SZRD1: variants seen among roughly 807,000 people sequenced by gnomAD.
The protein encoded by SZRD1 is SUZ RNA binding domain containing 1.
A neutral mutation model predicts 17.6 loss-of-function variants in SZRD1; 7 were observed. The observed-to-expected ratio is 0.40, with a 90% CI of 0.23 to 0.75. The LOEUF is 0.75. SZRD1 is among the 30% of genes least tolerant of loss of function. The pLI is 0.38. For missense variants in SZRD1, 178 were observed against 201.8 expected (o/e 0.88, Z 0.71); for synonymous variants, 77 against 77.9 (o/e 0.99, Z 0.06).
Position 16,393,362 on chromosome 1 carries a change from G to A in SZRD1, c.236G>A (p.Ser79Asn), listed in dbSNP as rs758345324. The A allele has an allele frequency of 6.2e-7, 1 of 1,614,204 alleles. No homozygotes were observed. Among genetic ancestry groups the A allele is most frequent in the South Asian group, 1.1e-5 (1 of 91,086 alleles). ...GTGGTCAGCAGCCCCAACTCCACCA[G>A]CAGGCCCACCCTTCCAGTCAAGTCC... ...NGVVSSPNST[S>N]RPTLPVKSLA... Residue 79 changes from serine (S) to asparagine (N), a missense_variant, in exon 3 of 4, where the codon AGC becomes AAC. Ser to Asn is a conservative substitution (Grantham distance 46, BLOSUM62 1). Coordinates refer to ENST00000401088, the MANE Select transcript of SZRD1 (RefSeq NM_001114600.3). This position sits in a 1 kb window ranked among gnomAD's most constrained non-coding sequence, Gnocchi z 5.6.
rs1319293808 is a variant in SZRD1, at chr1:16,389,350, C to CG, written c.52-2024dup. Among the ~76,000 whole-genome samples the CG allele has an allele frequency of 2.6e-5, 4 of 152,018 alleles. No homozygotes were observed. The East Asian group carries it at 7.7e-4, about 29-fold the overall frequency. On this transcript the variant is annotated intron_variant, in intron 1 of 3. Transcript: ENST00000401088. ...CGCCATCTCGGCTCACTGCAAGCTT[C>CG]GCCTCCCGGGTTCACGCCATTCTCC... is the stretch of plus-strand genomic sequence containing the variant.
chr1:16,388,515 C>T (rs1270681454), intron 1 of SZRD1, among the ~76,000 whole-genome samples: 1 of 151,780 alleles, frequency 6.6e-6, no homozygotes, highest in Non-Finnish European at 1.5e-5. Context: ...ATACTGTTTA[C>T]AAGAGATGCA....
intron 1 of SZRD1, among the ~76,000 whole-genome samples, chr1:16,373,898 C>A (rs1220407790): frequency 3.3e-5 from 5 of 152,148 alleles, no homozygotes; most frequent in Non-Finnish European, 5.9e-5. Flanking sequence ...CCACCACACC[C>A]GGCCCATAGT....
rs2085296339 is a variant in SZRD1, at chr1:16,395,501, CATTA to C, written c.*365_*368del. On this transcript the variant is annotated 3_prime_UTR_variant, in exon 4 of 4. Coordinates refer to ENST00000401088, the MANE Select transcript of SZRD1 (RefSeq NM_001114600.3). ...GCCAGCAATAACAGTTTATCATGCTCATTAATTTGGGATTTCAAAACACAAATGA... is the reference window on the plus strand; with the variant it reads ...GCCAGCAATAACAGTTTATCATGCTCATTTGGGATTTCAAAACACAAATGA... The C allele has an allele frequency of 4.3e-6, 1 of 234,938 alleles. No individual in the cohort carries two copies. Among genetic ancestry groups the C allele is most frequent in the Admixed American group, 5.1e-5 (1 of 19,508 alleles). The allele number at this position is 234,938 out of a possible 1,614,324, so 14.6% of individuals were successfully genotyped here. A position where few individuals can be genotyped will look rare whatever the true frequency, so the allele number is the denominator to read the frequency against.
intron 1 of SZRD1, among the ~76,000 whole-genome samples, chr1:16,383,435 G>A (rs1265604723): frequency 6.6e-6 from 1 of 151,770 alleles, no homozygotes; most frequent in Non-Finnish European, 1.5e-5. Context: ...GTCCAGGCTG[G>A]TCTTGAACTC....
intron 1 of SZRD1, among the ~76,000 whole-genome samples, chr1:16,379,495 C>T (rs543584175): frequency 2.5e-4 from 38 of 152,354 alleles, no homozygotes; most frequent in South Asian, 6.2e-4. Flanking sequence ...GGCTGCTGGA[C>T]GCTCCACAGG....
chr1:16,368,244 C>T (rs2082856695), intron 1 of SZRD1, among the ~76,000 whole-genome samples: 1 of 152,188 alleles, frequency 6.6e-6, no homozygotes, highest in Admixed American at 6.5e-5. Flanking sequence ...GTGTTCGCGT[C>T]TGTTCAATGC....
At chr1:16,387,669 C>T (rs867113382) in intron 1 of SZRD1, 1 of 456,688 alleles carries the variant, frequency 2.2e-6, no homozygotes, top group Middle Eastern at 3.3e-4. Context: ...CTTCTAAATT[C>T]TACAGCTGTC....
chr1:16,393,149 T>G lies in SZRD1; in HGVS notation c.102-79T>G. The G allele has an allele frequency of 1.2e-4, 184 of 1,530,730 alleles. No individual in the cohort carries two copies. The highest frequency in any genetic ancestry group is 1.5e-4 in the Non-Finnish European group (169 of 1,118,388). The allele number at this position is 1,530,730 out of a possible 1,614,324, so 94.8% of individuals were successfully genotyped here. ...GAATTAGGGAGGGAGAGGAAAGTGA[T>G]GAGAGGTGGGTGTGGGACATGGACA... is the stretch of plus-strand genomic sequence containing the variant. On this transcript the variant is annotated intron_variant, in intron 2 of 3. Transcript: ENST00000401088. The surrounding 1 kb of genome is among the most constrained non-coding windows in gnomAD (Gnocchi z 5.6).
chr1:16,397,857 G>T lies in SZRD1; in HGVS notation c.*2717G>T. On this transcript the variant is annotated 3_prime_UTR_variant, in exon 4 of 4. Transcript: ENST00000401088. This position sits in a 1 kb window ranked among gnomAD's most constrained non-coding sequence, Gnocchi z 5.4. ...ACCCTGCTCTGCCCCATCTGGGGGTGCCCTGCTCAGGGATGGGCTGGCAGG... is the reference window on the plus strand; with the variant it reads ...ACCCTGCTCTGCCCCATCTGGGGGTTCCCTGCTCAGGGATGGGCTGGCAGG... 3.1e-6 allele frequency: 1 copy of T among 323,638 alleles called. No individual in the cohort carries two copies. The highest frequency in any genetic ancestry group is 4.4e-6 in the Non-Finnish European group (1 of 224,840). The allele number at this position is 323,638 out of a possible 1,614,324, so 20.0% of individuals were successfully genotyped here. A position where few individuals can be genotyped will look rare whatever the true frequency, so the allele number is the denominator to read the frequency against.
At position 16,391,497 on chromosome 1, in the gene SZRD1, A is replaced by T; in HGVS notation, c.101+73A>T. 1 of 1,320,968 alleles carries T rather than the reference A, an allele frequency of 7.6e-7. No individual in the cohort carries two copies. Among genetic ancestry groups the T allele is most frequent in the Non-Finnish European group, 1.1e-6 (1 of 944,446 alleles). 81.8% of individuals were successfully genotyped at this position (1,320,968 alleles called of 1,614,324 possible). On this transcript the variant is annotated intron_variant, in intron 2 of 3. Coordinates refer to ENST00000401088, the MANE Select transcript of SZRD1 (RefSeq NM_001114600.3). This position sits in a 1 kb window ranked among gnomAD's most constrained non-coding sequence, Gnocchi z 4.3. ...AGCCGGGCAGTCAGTGGTGTTCTCC[A>T]GCTGGCCATTAGGATTAGCAGGTCC...
chr1:16,368,499 C>G (rs915755587), intron 1 of SZRD1, among the ~76,000 whole-genome samples: 1 of 152,068 alleles, frequency 6.6e-6, no homozygotes, highest in Non-Finnish European at 1.5e-5. Context: ...TTATGTTTTT[C>G]CATTTAGCAT....
chr1:16,379,472 G>A (rs969750498), intron 1 of SZRD1, among the ~76,000 whole-genome samples: 7 of 152,220 alleles, frequency 4.6e-5, no homozygotes, highest in Admixed American at 1.3e-4. Context: ...CTTAACTTCC[G>A]GGTATGCAGC....
At chr1:16,369,309 G>A (rs1350430028) in intron 1 of SZRD1, 2 of 694,964 alleles carry the variant, frequency 2.9e-6, no homozygotes, top group East Asian at 2.5e-5. Context: ...AAGGCACCTC[G>A]GATGTCACGT....
chr1:16,369,896 A>C (rs569899178), intron 1 of SZRD1, among the ~76,000 whole-genome samples: 130 of 143,292 alleles, frequency 9.1e-4, no homozygotes, highest in African/African-American at 3.2e-3. Context: ...TCAAAAAAAA[A>C]AACAAAAAAA....
At chr1:16,387,182 C>G (rs935357887) in intron 1 of SZRD1, 9 of 407,286 alleles carry the variant, frequency 2.2e-5, no homozygotes, top group Non-Finnish European at 4.4e-5. Context: ...TAATCATGTT[C>G]TAGTTTGGGG....
chr1:16,373,023 A>G (rs1334482624), intron 1 of SZRD1, among the ~76,000 whole-genome samples: 2 of 151,316 alleles, frequency 1.3e-5, no homozygotes, highest in Non-Finnish European at 2.9e-5. Context: ...GTAGGGCCAA[A>G]GCAGGCATGG....
intron 3 of SZRD1, among the ~76,000 whole-genome samples, chr1:16,394,254 C>T (rs1286912159): frequency 1.3e-5 from 2 of 152,144 alleles, no homozygotes; most frequent in Non-Finnish European, 2.9e-5. Context: ...TAAGTCTTCA[C>T]CTTTCCAGGG....
At chr1:16,379,083 A>G (rs1022035183) in intron 1 of SZRD1, among the ~76,000 whole-genome samples, 1 of 151,012 alleles carries the variant, frequency 6.6e-6, no homozygotes, top group African/African-American at 2.4e-5. Flanking sequence ...TGTCCTGAAC[A>G]TTTTTGCTTC....
Sources: gnomAD v4.1 joint callset for allele counts (sites outside exome capture counted in the v4.1 genomes callset) on GRCh38, gnomAD v4.1.1 for gene constraint, Gnocchi (gnomAD v3.1) non-coding constraint, MANE v1.5 for transcripts, NCBI Gene and HGNC (gene_info 2026-07-23, HGNC 2026-07-21) for gene names.